Variants in UGGT2 observed in about 807,000 individuals in gnomAD.
UGGT2 encodes the protein UDP-glucose glycoprotein glucosyltransferase 2.
A neutral mutation model predicts 192.1 loss-of-function variants in UGGT2; 180 were observed. The ratio of observed to expected loss-of-function variants is 0.94; its 90% CI spans 0.83 to 1.06. The LOEUF (loss-of-function observed/expected upper bound fraction) is 1.06. UGGT2 is among the 50% of genes least tolerant of loss of function. The pLI, the probability that UGGT2 is intolerant of heterozygous loss-of-function variation, is 0.00. For synonymous variants in UGGT2, 580 were observed against 591.0 expected (o/e 0.98, Z 0.27); for missense variants, 1,849 against 1,795.7 (o/e 1.03, Z -0.54).
chr13:95,837,217 G>A lies in UGGT2; in HGVS notation c.4285-15C>T, dbSNP rs1594110508. On this transcript the variant is annotated splice_polypyrimidine_tract_variant and intron_variant, in intron 36 of 38. Transcript: ENST00000376747. ...TTGGGGAGATCCTACAGAAAATTGTGATTTAATCATAGACGTATGAAATTT... is the reference window on the plus strand; with the variant it reads ...TTGGGGAGATCCTACAGAAAATTGTAATTTAATCATAGACGTATGAAATTT... 1 of 1,566,262 alleles carries A rather than the reference G, an allele frequency of 6.4e-7. No homozygotes were observed. Among genetic ancestry groups the A allele is most frequent in the Non-Finnish European group, 8.8e-7 (1 of 1,136,654 alleles).
chr13:95,841,896 T>C lies in UGGT2; in HGVS notation c.4285-4694A>G, dbSNP rs79638066. On this transcript the variant is annotated intron_variant, in intron 36 of 38. Coordinates refer to ENST00000376747, the MANE Select transcript of UGGT2 (RefSeq NM_020121.4). ...TGAGGTAGGGGTCCAACTTCATTCTTTACAAGTGAATTTCCTGTTGTCTAG... is the reference window on the plus strand; with the variant it reads ...TGAGGTAGGGGTCCAACTTCATTCTCTACAAGTGAATTTCCTGTTGTCTAG... 4.8e-3 allele frequency among the ~76,000 whole-genome samples: 728 copies of C among 152,306 alleles called. 5 individuals are homozygous for C. The highest frequency in any genetic ancestry group is 0.017 in the African/African-American group (687 of 41,566).
chr13:95,866,032 CGTGTGT>C (rs140750488), intron 30 of UGGT2, among the ~76,000 whole-genome samples: 1 of 150,120 alleles, frequency 6.7e-6, no homozygotes, highest in Non-Finnish European at 1.5e-5. Flanking sequence ...TTCACACTAG[CGTGTGT>C]GTGTGTGTGT....
At chr13:95,879,263 T>C (rs1008740704) in intron 27 of UGGT2, among the ~76,000 whole-genome samples, 8 of 152,214 alleles carry the variant, frequency 5.3e-5, no homozygotes, top group Non-Finnish European at 8.8e-5. Flanking sequence ...TGAAAATTTC[T>C]CTTGTTCCTA....
Position 95,837,081 on chromosome 13 carries a change from C to G in UGGT2, c.4401+5G>C, listed in dbSNP as rs756577743. On this transcript the variant is annotated splice_donor_5th_base_variant and intron_variant, in intron 37 of 38. Coordinates refer to ENST00000376747, the MANE Select transcript of UGGT2 (RefSeq NM_020121.4). The stretch of plus-strand genomic sequence containing the variant: ...TTACATACAAATGAAAACAAAGACA[C>G]TCACCAGATCAATTGTTTTGGCTCT... The G allele has an allele frequency of 3.1e-6, 5 of 1,592,240 alleles. No individual in the cohort carries two copies. The highest frequency in any genetic ancestry group is 1.7e-4 in the Middle Eastern group (1 of 6,016).
intron 36 of UGGT2, among the ~76,000 whole-genome samples, chr13:95,839,594 T>G (rs2139933907): frequency 6.6e-6 from 1 of 152,348 alleles, no homozygotes; most frequent in Admixed American, 6.5e-5. Context: ...AATGCTTCTA[T>G]AAACATTTGT....
intron 11 of UGGT2, among the ~76,000 whole-genome samples, chr13:95,971,811 G>A (rs1377935464): frequency 6.6e-6 from 1 of 152,120 alleles, no homozygotes; most frequent in East Asian, 1.9e-4. Context: ...TGTAAAAAAT[G>A]TTCAGTAAAA....
At chr13:95,887,012 G>GC (rs1566639066) in intron 26 of UGGT2, among the ~76,000 whole-genome samples, 1 of 152,014 alleles carries the variant, frequency 6.6e-6, no homozygotes. Flanking sequence ...CTGTGATGGT[G>GC]CCCCAGCCTG....
intron 38 of UGGT2, among the ~76,000 whole-genome samples, chr13:95,831,811 T>A (rs945782317): frequency 6.6e-6 from 1 of 151,972 alleles, no homozygotes; most frequent in Admixed American, 6.6e-5. Context: ...AAAAAGATGT[T>A]TTTTGTTGAG....
intron 17 of UGGT2, among the ~76,000 whole-genome samples, chr13:95,927,698 G>C (rs1158450627): frequency 6.6e-6 from 1 of 151,592 alleles, no homozygotes; most frequent in Non-Finnish European, 1.5e-5. Context: ...GATCATTCTT[G>C]GGTGTTTCTC....
chr13:96,033,933 G>A (rs1316560040), intron 1 of UGGT2, among the ~76,000 whole-genome samples: 3 of 152,130 alleles, frequency 2.0e-5, no homozygotes, highest in African/African-American at 7.2e-5. Flanking sequence ...AAAAAGGGAT[G>A]GGTCCCCGGT....
chr13:96,003,892 C>A (rs1199204274), intron 5 of UGGT2, among the ~76,000 whole-genome samples: 1 of 152,026 alleles, frequency 6.6e-6, no homozygotes, highest in African/African-American at 2.4e-5. Context: ...TGTTACAAAG[C>A]AATTCAGACA....
chr13:96,041,731 G>A (rs535683621), intron 1 of UGGT2, among the ~76,000 whole-genome samples: 18 of 152,286 alleles, frequency 1.2e-4, no homozygotes, highest in African/African-American at 3.1e-4. Context: ...GGAGCTGGGT[G>A]AGGCCTGTGA....
At chr13:95,935,878 G>A (rs1447330612) in intron 17 of UGGT2, among the ~76,000 whole-genome samples, 2 of 152,146 alleles carry the variant, frequency 1.3e-5, no homozygotes, top group East Asian at 1.9e-4. Context: ...CCAGGCTAGA[G>A]TGCAGTGGCA....
intron 36 of UGGT2, among the ~76,000 whole-genome samples, chr13:95,845,171 C>CT (rs35541302): frequency 4.2e-4 from 64 of 151,072 alleles, no homozygotes; most frequent in African/African-American, 1.4e-3. Flanking sequence ...ATATAAGATC[C>CT]TTTCTTTTAA....
chr13:96,023,103 A>G lies in UGGT2; in HGVS notation c.422T>C (p.Ile141Thr). Residue 141 changes from isoleucine (I) to threonine (T), a missense_variant, in exon 4 of 39, where the codon ATT becomes ACT. Transcript: ENST00000376747. ...PPDGCNAFVVIHKKHTCKINE... is the reference protein window; with the variant it reads ...PPDGCNAFVVTHKKHTCKINE... Reference sequence around the variant, plus strand: ...AATTTTACAGGTGTGCTTCTTATGAATAACCACAAATGCATTACAACCATC... The same window carrying G: ...AATTTTACAGGTGTGCTTCTTATGAGTAACCACAAATGCATTACAACCATC... The G allele has an allele frequency of 6.3e-7, 1 of 1,596,542 alleles. No homozygotes were observed. Among genetic ancestry groups the G allele is most frequent in the Non-Finnish European group, 8.5e-7 (1 of 1,170,242 alleles).
At chr13:95,994,800 TACAAGGCTAA>T (rs2051566939) in intron 7 of UGGT2, among the ~76,000 whole-genome samples, 1 of 152,042 alleles carries the variant, frequency 6.6e-6, no homozygotes, top group African/African-American at 2.4e-5. Flanking sequence ...CAAAAAATGC[TACAAGGCTAA>T]TAAATATTTA....
At chr13:95,829,950 G>T (rs1451540271) in intron 38 of UGGT2, among the ~76,000 whole-genome samples, 1 of 152,148 alleles carries the variant, frequency 6.6e-6, no homozygotes, top group Non-Finnish European at 1.5e-5. Context: ...CAATGGAACA[G>T]AACAGAGCCC....
chr13:95,926,533 C>T (rs1225865923), intron 19 of UGGT2, among the ~76,000 whole-genome samples: 2 of 152,154 alleles, frequency 1.3e-5, no homozygotes. Flanking sequence ...TTATATTCAT[C>T]TATCTGAATA....
At chr13:95,928,020 T>C (rs995980415) in intron 17 of UGGT2, among the ~76,000 whole-genome samples, 3 of 152,222 alleles carry the variant, frequency 2.0e-5, no homozygotes, top group Non-Finnish European at 4.4e-5. Flanking sequence ...GGCAGAAGAA[T>C]TTTTCTTAGT....
Sources: allele counts gnomAD v4.1 joint callset (sites outside exome capture counted in the v4.1 genomes callset), GRCh38; gene constraint gnomAD v4.1.1; transcripts MANE v1.5; gene names NCBI Gene and HGNC (gene_info 2026-07-23, HGNC 2026-07-21).